SASH1: variants seen among roughly 807,000 people sequenced by gnomAD.
The protein encoded by SASH1 is SAM and SH3 domain containing 1, also known as SAM and SH3 domain-containing protein 1.
Under a neutral mutation model 125.2 loss-of-function variants are expected in SASH1, and 44 were observed. That is an observed-to-expected ratio of 0.35 (90% CI 0.28 to 0.45). The LOEUF is 0.45. Among genes scored for constraint, SASH1 ranks in the 20% least tolerant of loss-of-function variants. The probability of loss-of-function intolerance (pLI) is 1.00; values close to 1 mark genes in which losing one functional copy is unlikely to be tolerated. For synonymous variants in SASH1, 639 were observed against 649.1 expected (o/e 0.98, Z 0.24); for missense variants, 1,426 against 1,614.5 (o/e 0.88, Z 2.00).
chr6:148,408,313 G>A (rs1471629164), intron 2 of SASH1, among the ~76,000 whole-genome samples: 1 of 150,104 alleles, frequency 6.7e-6, no homozygotes, highest in Non-Finnish European at 1.5e-5. Context: ...TCACTGTGTT[G>A]GCCAGGTTGG....
At chr6:148,447,901 C>T (rs114957592) in intron 4 of SASH1, among the ~76,000 whole-genome samples, 3,121 of 152,152 alleles carry the variant, frequency 0.021, 37 homozygotes, top group Middle Eastern at 0.058. Context: ...AAATGCTGCT[C>T]CTTCAGCGGG....
intron 2 of SASH1, among the ~76,000 whole-genome samples, chr6:148,413,196 A>T (rs1372194893): frequency 6.6e-6 from 1 of 152,298 alleles, no homozygotes; most frequent in African/African-American, 2.4e-5. Context: ...CCAGTTTAAT[A>T]GTTTGACATT....
At chr6:148,285,582 T>G (rs1470108764) in intron 1 of SASH1, among the ~76,000 whole-genome samples, 1 of 152,132 alleles carries the variant, frequency 6.6e-6, no homozygotes, top group Non-Finnish European at 1.5e-5. Flanking sequence ...TTCCTCTCTC[T>G]CTTTTCCATA....
At chr6:148,329,697 T>A (rs1780934302) in intron 1 of SASH1, among the ~76,000 whole-genome samples, 1 of 152,118 alleles carries the variant, frequency 6.6e-6, no homozygotes, top group South Asian at 2.1e-4. Context: ...AGGAAAGTAC[T>A]CTAGAGAGGA....
chr6:148,210,639 C>T, the SASH1 span, among the ~76,000 whole-genome samples: 4 of 152,232 alleles, frequency 2.6e-5, no homozygotes, highest in Non-Finnish European at 5.9e-5. Flanking sequence ...TAATTAAATA[C>T]AGAGCTGCTT....
At chr6:148,351,199 T>G (rs551523973) in intron 1 of SASH1, among the ~76,000 whole-genome samples, 4 of 150,196 alleles carry the variant, frequency 2.7e-5, no homozygotes, top group East Asian at 1.9e-4. Flanking sequence ...TAGTTTTTTT[T>G]TTTTTTTTTT....
the SASH1 span, among the ~76,000 whole-genome samples, chr6:148,204,252 C>T: frequency 5.9e-5 from 9 of 152,118 alleles, no homozygotes; most frequent in African/African-American, 1.9e-4. Context: ...AAGTGGTTTG[C>T]GGAATAGGTG....
chr6:148,220,639 A>G, the SASH1 span, among the ~76,000 whole-genome samples: 1 of 152,280 alleles, frequency 6.6e-6, no homozygotes, highest in Middle Eastern at 3.4e-3. Flanking sequence ...CTCAGTCTGG[A>G]CATGGTGGCT....
At chr6:148,298,671 AAGGAAG>A (rs1562312140) in intron 1 of SASH1, among the ~76,000 whole-genome samples, 10 of 41,298 alleles carry the variant, frequency 2.4e-4, no homozygotes, top group South Asian at 1.6e-3. Context: ...GGGAGGGAGG[AAGGAAG>A]GAAGGAAGGA....
intron 2 of SASH1, among the ~76,000 whole-genome samples, chr6:148,432,818 C>T (rs1776120387): frequency 1.3e-5 from 2 of 152,302 alleles, no homozygotes; most frequent in South Asian, 4.1e-4. Flanking sequence ...ATTTGTTTTC[C>T]AGGATCTAAT....
the SASH1 span, among the ~76,000 whole-genome samples, chr6:148,260,569 A>G: frequency 2.6e-5 from 4 of 151,384 alleles, no homozygotes; most frequent in African/African-American, 4.9e-5. Flanking sequence ...TCATGCCACT[A>G]CACTCCAACC....
the SASH1 span, among the ~76,000 whole-genome samples, chr6:148,201,947 G>A: frequency 1.4e-4 from 21 of 152,278 alleles, no homozygotes; most frequent in South Asian, 6.2e-4. Context: ...GCACAAGGCT[G>A]TGAGGCATTT....
At chr6:148,362,677 C>T (rs991633206) in intron 1 of SASH1, among the ~76,000 whole-genome samples, 3 of 151,814 alleles carry the variant, frequency 2.0e-5, no homozygotes, top group Middle Eastern at 6.8e-3. Context: ...AGTGAGACCC[C>T]TTCTCTACAA....
Position 148,505,289 on chromosome 6 carries a change from TCA to T in SASH1, c.730-9031_730-9030del, listed in dbSNP as rs1205444519. On this transcript the variant is annotated intron_variant, in intron 8 of 19. Transcript: ENST00000367467. Reference sequence around the variant, plus strand: ...CAGATGCTGGCCATATGACAAGCTTTCACACGTAAAAAGGTTGTTGGTTTTTT... The same window carrying T: ...CAGATGCTGGCCATATGACAAGCTTTCACGTAAAAAGGTTGTTGGTTTTTT... Among the ~76,000 whole-genome samples, 3 of 152,344 alleles carry T rather than the reference TCA, an allele frequency of 2.0e-5. No individual in the cohort carries two copies. In the East Asian group the frequency reaches 5.8e-4, roughly 29 times the overall value.
At position 148,467,042 on chromosome 6, in the gene SASH1, C is replaced by T. The variant is rs116214053; in HGVS notation, c.387-1503C>T. Among the ~76,000 whole-genome samples the T allele has an allele frequency of 6.6e-3, 979 of 148,196 alleles. 9 individuals are homozygous for T. Among genetic ancestry groups the T allele is most frequent in the African/African-American group, 0.022 (896 of 40,546 alleles). On this transcript the variant is annotated intron_variant, in intron 4 of 19. Transcript: ENST00000367467. ...CTGTATTTTCCTTCTGGGATTTGGACACACCTAATGAAAGATTTTGCTCCA... is the reference window on the plus strand; with the variant it reads ...CTGTATTTTCCTTCTGGGATTTGGATACACCTAATGAAAGATTTTGCTCCA...
chr6:148,308,023 A>G (rs6570838), intron 1 of SASH1, among the ~76,000 whole-genome samples: 40,198 of 151,906 alleles, frequency 0.26, 5,507 homozygotes, highest in South Asian at 0.34. Flanking sequence ...GGTTTACCAT[A>G]GAGATAAGCA....
intron 1 of SASH1, among the ~76,000 whole-genome samples, chr6:148,385,445 G>C (rs1282207604): frequency 2.6e-5 from 4 of 152,006 alleles, no homozygotes; most frequent in Admixed American, 1.3e-4. Context: ...CTTGTTTTCC[G>C]GCAAACTCCT....
chr6:148,548,731 A>G lies in SASH1; in HGVS notation c.*173A>G. ...AGGACTGAGGATCCTCTCCTCCAGAAAAGCCCCCTCGAGGAAATAAATTAG... is the reference window on the plus strand; with the variant it reads ...AGGACTGAGGATCCTCTCCTCCAGAGAAGCCCCCTCGAGGAAATAAATTAG... On this transcript the variant is annotated 3_prime_UTR_variant, in exon 20 of 20. Coordinates refer to ENST00000367467, the MANE Select transcript of SASH1 (RefSeq NM_015278.5). 2 of 629,250 alleles carry G rather than the reference A, an allele frequency of 3.2e-6. No homozygotes were observed. Among genetic ancestry groups the G allele is most frequent in the East Asian group, 5.9e-5 (2 of 34,060 alleles). The allele number at this position is 629,250 out of a possible 1,614,324, so 39.0% of individuals were successfully genotyped here.
At chr6:148,539,318 T>G (rs376688916) in intron 16 of SASH1, among the ~76,000 whole-genome samples, 5 of 152,282 alleles carry the variant, frequency 3.3e-5, no homozygotes, top group African/African-American at 1.2e-4. Context: ...TAGTATACAT[T>G]GTACCTAATG....
Sources: allele counts gnomAD v4.1 joint callset (sites outside exome capture counted in the v4.1 genomes callset), GRCh38; gene constraint gnomAD v4.1.1; transcripts MANE v1.5; gene names NCBI Gene and HGNC (gene_info 2026-07-23, HGNC 2026-07-21).